Variants in ZSCAN20 observed in about 807,000 individuals in gnomAD.
ZSCAN20 encodes zinc finger and SCAN domain-containing protein 20.
ZSCAN20 carries 39 observed loss-of-function variants against 97.1 expected under a neutral mutation model. The observed-to-expected ratio is 0.40, with a 90% confidence interval of 0.31 to 0.52. ZSCAN20 has a LOEUF of 0.52. ZSCAN20 is among the 20% of genes least tolerant of loss of function. ZSCAN20 has a pLI of 0.49. For synonymous variants in ZSCAN20, 456 were observed against 467.3 expected (o/e 0.98, Z 0.31); for missense variants, 1,115 against 1,290.4 (o/e 0.86, Z 2.08).
chr1:33,489,750 C>T lies in ZSCAN20; in HGVS notation c.766+148C>T, dbSNP rs1652522956. ...AAGAAGACTTGCCCTTTGTAGCCAG[C>T]ACTCTCATGGCAGGGATGGAGTCTG... On this transcript the variant is annotated intron_variant, in intron 5 of 7. Transcript: ENST00000684572. 3.4e-5 allele frequency: 25 copies of T among 745,730 alleles called. No individual in the cohort carries two copies. In the South Asian group the frequency reaches 3.7e-4, roughly 11 times the overall value. 46.2% of individuals were successfully genotyped at this position (745,730 alleles called of 1,614,324 possible).
In ZSCAN20 at chr1:33,494,711, G is replaced by C. The variant is rs201398597; in HGVS notation, c.2367G>C (p.Thr789=). Residue 789 remains threonine, a synonymous_variant, in exon 8 of 8, where the codon ACG becomes ACC. Transcript: ENST00000684572. The stretch of plus-strand genomic sequence containing the variant: ...TCATCACTCACCAGAGAATTCACAC[G>C]GGGGAAAAGCCCTATAAATGTGGAG... The part of the protein sequence containing the change: ...SNLITHQRIH[T]GEKPYKCGEC... The C allele has an allele frequency of 1.2e-6, 2 of 1,613,806 alleles. No individual in the cohort carries two copies. Among genetic ancestry groups the C allele is most frequent in the Non-Finnish European group, 1.7e-6 (2 of 1,179,964 alleles).
At chr1:33,477,685 G>A (rs1651987131) in intron 1 of ZSCAN20, among the ~76,000 whole-genome samples, 1 of 148,770 alleles carries the variant, frequency 6.7e-6, no homozygotes, top group East Asian at 2.0e-4. Context: ...GGGATTAATT[G>A]CAATCCTTGC....
intron 2 of ZSCAN20, among the ~76,000 whole-genome samples, chr1:33,481,517 C>CT (rs1652155132): frequency 6.6e-6 from 1 of 152,046 alleles, no homozygotes; most frequent in African/African-American, 2.4e-5. Context: ...CCTACCTGCT[C>CT]CTGAGTGGTC....
chr1:33,473,264 ACT>A (rs976196653), intron 1 of ZSCAN20, among the ~76,000 whole-genome samples: 6 of 152,096 alleles, frequency 3.9e-5, no homozygotes, highest in African/African-American at 1.4e-4. Flanking sequence ...CTACTTACCC[ACT>A]GATTCCTCTT....
In ZSCAN20 at chr1:33,501,321, C is replaced by T. The variant is rs189513502; in HGVS notation, c.*5845C>T. On this transcript the variant is annotated 3_prime_UTR_variant, in exon 8 of 8. Transcript: ENST00000684572. ...AGGTGTCATCTCCAGGGACCTTTCTCGACCAACTAATTTATGGAAATGAGA... is the reference window on the plus strand; with the variant it reads ...AGGTGTCATCTCCAGGGACCTTTCTTGACCAACTAATTTATGGAAATGAGA... Among the ~76,000 whole-genome samples, 18 of 152,254 alleles carry T rather than the reference C, an allele frequency of 1.2e-4. No homozygotes were observed. Among genetic ancestry groups the T allele is most frequent in the Middle Eastern group, 3.4e-3 (1 of 294 alleles).
Position 33,491,077 on chromosome 1 carries a change from G to T in ZSCAN20, c.819G>T (p.Glu273Asp). The change falls in exon 6 of 8, where the codon GAG becomes GAT. Residue 273 changes from glutamate to aspartate, a missense_variant. Transcript: ENST00000684572. The surrounding 1 kb of genome is among the most constrained non-coding windows in gnomAD (Gnocchi z 4.3). Reference sequence around the variant, plus strand: ...CCTCCGAGAAAGAGCAAGGACCAGAGTTTTGGGGTCTAAGTCTTATAAATT... The same window carrying T: ...CCTCCGAGAAAGAGCAAGGACCAGATTTTTGGGGTCTAAGTCTTATAAATT... ...SNTSEKEQGP[E>D]FWGLSLINSG... 1 of 1,613,622 alleles carries T rather than the reference G, an allele frequency of 6.2e-7. No homozygotes were observed.
chr1:33,496,606 C>A lies in ZSCAN20; in HGVS notation c.*1130C>A, dbSNP rs901273758. The stretch of plus-strand genomic sequence containing the variant: ...TCTCAGGGGACAGTCCTACTTCTTG[C>A]CATGCTTGGCTGATCATAGGTTAAC... On this transcript the variant is annotated 3_prime_UTR_variant, in exon 8 of 8. Transcript: ENST00000684572. 1 of 152,170 alleles carries A rather than the reference C, an allele frequency of 6.6e-6. No homozygotes were observed. Among genetic ancestry groups the A allele is most frequent in the Admixed American group, 6.5e-5 (1 of 15,282 alleles). The allele number at this position is 152,170 out of a possible 1,614,324, so 9.4% of individuals were successfully genotyped here.
Position 33,501,593 on chromosome 1 carries a change from T to C in ZSCAN20, c.*6117T>C. Among the ~76,000 whole-genome samples, 1 of 151,718 alleles carries C rather than the reference T, an allele frequency of 6.6e-6. No individual in the cohort carries two copies. The highest frequency in any genetic ancestry group is 2.1e-4 in the South Asian group (1 of 4,804). The stretch of plus-strand genomic sequence containing the variant: ...TCTTAAAGCTGGTCAAATCATATTT[T>C]GGGATGGAATGGCCTGATAAGTTAA... On this transcript the variant is annotated 3_prime_UTR_variant, in exon 8 of 8. Transcript: ENST00000684572.
At chr1:33,479,838 T>C in intron 2 of ZSCAN20, 133 bp downstream of exon 2, 1 of 979,556 alleles carries the variant, frequency 1.0e-6, no homozygotes, top group East Asian at 2.8e-5. Context: ...TGACCACTAC[T>C]GTATACCAGG....
At position 33,499,717 on chromosome 1, in the gene ZSCAN20, G is replaced by A. The variant is rs1316388474; in HGVS notation, c.*4241G>A. On this transcript the variant is annotated 3_prime_UTR_variant, in exon 8 of 8. Transcript: ENST00000684572. ...CTGCCTGAGAGGTCTCTTTCTGAATGAAGTCAATATCTAAAGTCAAAATTA... is the reference window on the plus strand; with the variant it reads ...CTGCCTGAGAGGTCTCTTTCTGAATAAAGTCAATATCTAAAGTCAAAATTA... Among the ~76,000 whole-genome samples, 3 of 152,354 alleles carry A rather than the reference G, an allele frequency of 2.0e-5. No individual in the cohort carries two copies. In the East Asian group the frequency reaches 5.8e-4, roughly 29 times the overall value.
chr1:33,491,451 C>T lies in ZSCAN20; in HGVS notation c.1193C>T (p.Thr398Ile), dbSNP rs1652606247. ...GCCAAGAGCAGCCACCCACCAGGTA[C>T]CTGCCCCTTCTATGAGGAGCTGGAG... is the stretch of plus-strand genomic sequence containing the variant. Reference protein sequence around the residue: ...RKAKSSHPPGTCPFYEELEAL... With the variant: ...RKAKSSHPPGICPFYEELEAL... Residue 398 changes from threonine (T) to isoleucine (I), a missense_variant, in exon 6 of 8, where the codon ACC becomes ATC. Transcript: ENST00000684572. This position sits in a 1 kb window ranked among gnomAD's most constrained non-coding sequence, Gnocchi z 4.3. 1.2e-6 allele frequency: 2 copies of T among 1,614,080 alleles called. No homozygotes were observed. Among genetic ancestry groups the T allele is most frequent in the South Asian group, 1.1e-5 (1 of 91,086 alleles).
At chr1:33,489,257 C>A in intron 4 of ZSCAN20, 66 bp downstream of exon 4, 1 of 1,502,992 alleles carries the variant, frequency 6.7e-7, no homozygotes, top group Non-Finnish European at 9.2e-7. Context: ...CCACAGTGTT[C>A]CTCCTCTCTC....
In ZSCAN20 at chr1:33,490,925, T is replaced by C. The variant is rs1038195207; in HGVS notation, c.767-100T>C. 2.4e-5 allele frequency: 28 copies of C among 1,165,296 alleles called. No homozygotes were observed. The African/African-American group carries it at 4.3e-4, about 18-fold the overall frequency. The allele number at this position is 1,165,296 out of a possible 1,614,324, so 72.2% of individuals were successfully genotyped here. Reference sequence around the variant, plus strand: ...TGGGATCAACTTGGGAATTTCTCGTTAGCCTCTTGCAAGGAAAAGATAGAA... The same window carrying C: ...TGGGATCAACTTGGGAATTTCTCGTCAGCCTCTTGCAAGGAAAAGATAGAA... On this transcript the variant is annotated intron_variant, in intron 5 of 7. Coordinates refer to ENST00000684572, the MANE Select transcript of ZSCAN20 (RefSeq NM_001377376.1).
At chr1:33,480,306 C>T (rs922856962) in intron 2 of ZSCAN20, among the ~76,000 whole-genome samples, 1 of 152,104 alleles carries the variant, frequency 6.6e-6, no homozygotes, top group East Asian at 1.9e-4. Flanking sequence ...CTCAGGAGTT[C>T]AAGACCAGCC....
chr1:33,489,402 A>G, intron 4 of ZSCAN20, 116 bp from the exon 5 acceptor site: 2 of 1,126,190 alleles, frequency 1.8e-6, no homozygotes, highest in Non-Finnish European at 2.6e-6. Flanking sequence ...TTATGATGCC[A>G]GCTTCACACA....
At chr1:33,482,949 T>C (rs1453307978) in intron 2 of ZSCAN20, among the ~76,000 whole-genome samples, 1 of 152,242 alleles carries the variant, frequency 6.6e-6, no homozygotes, top group Non-Finnish European at 1.5e-5. Context: ...GTTCTTTGTA[T>C]GTTCGGGGTA....
At chr1:33,489,355 C>A in intron 4 of ZSCAN20, 163 bp from the exon 5 acceptor site, 1 of 988,918 alleles carries the variant, frequency 1.0e-6, no homozygotes, top group Non-Finnish European at 1.5e-6. Context: ...CCAAACATCC[C>A]CAAACACATG....
chr1:33,476,998 A>G (rs1160197085), intron 1 of ZSCAN20, among the ~76,000 whole-genome samples: 1 of 152,240 alleles, frequency 6.6e-6, no homozygotes, highest in Non-Finnish European at 1.5e-5. Flanking sequence ...GTAACATACA[A>G]TACTGATTCT....
chr1:33,480,985 T>C (rs1652134036), intron 2 of ZSCAN20, among the ~76,000 whole-genome samples: 1 of 152,234 alleles, frequency 6.6e-6, no homozygotes, highest in Non-Finnish European at 1.5e-5. Context: ...TTTGGGAACA[T>C]ATCCCTTGCA....
Sources: gnomAD v4.1 joint callset for allele counts (sites outside exome capture counted in the v4.1 genomes callset) on GRCh38, gnomAD v4.1.1 for gene constraint, Gnocchi (gnomAD v3.1) non-coding constraint, MANE v1.5 for transcripts, NCBI Gene and HGNC (gene_info 2026-07-23, HGNC 2026-07-21) for gene names.